The following SHC2 variants were observed in gnomAD, a reference collection of about 807,000 sequenced individuals.
SHC2 encodes SHC adaptor protein 2, also known as SHC-transforming protein 2.
In SHC2, 62 loss-of-function variants were observed where a neutral mutation model predicts 60.6. That is an observed-to-expected ratio of 1.02 (90% CI 0.83 to 1.26). The LOEUF (loss-of-function observed/expected upper bound fraction) is 1.26. Among genes scored for constraint, SHC2 ranks in the 50% most tolerant of loss-of-function variants. SHC2 has a pLI of 0.00. For synonymous variants in SHC2, 375 were observed against 372.4 expected (o/e 1.01, Z -0.08); for missense variants, 873 against 822.2 (o/e 1.06, Z -0.76).
At chr19:455,334 A>G (rs1600327669) in intron 1 of SHC2, among the ~76,000 whole-genome samples, 1 of 152,288 alleles carries the variant, frequency 6.6e-6, no homozygotes. Flanking sequence ...CAGCTCTTTG[A>G]CCTGCTGTGC....
chr19:423,969 C>T (rs1041410970), intron 10 of SHC2, among the ~76,000 whole-genome samples: 1 of 152,184 alleles, frequency 6.6e-6, no homozygotes, highest in Non-Finnish European at 1.5e-5. Flanking sequence ...AAGCTCTTCA[C>T]GTAGTGCTTG....
intron 11 of SHC2, 95 bp from the exon 12 acceptor site, chr19:419,151 A>G: frequency 7.1e-7 from 1 of 1,404,730 alleles, no homozygotes; most frequent in South Asian, 1.5e-5. Flanking sequence ...GGGAGCCCCT[A>G]GGGTGCCTGC....
chr19:438,701 G>A lies in SHC2; in HGVS notation c.720+17C>T, dbSNP rs114947334. Reference sequence around the variant, plus strand: ...CTCTGGGGGTCTGGGGACGCCAGGCGAAGAGGGCAGACCCACCTGGCGCGT... The same window carrying A: ...CTCTGGGGGTCTGGGGACGCCAGGCAAAGAGGGCAGACCCACCTGGCGCGT... On this transcript the variant is annotated intron_variant, in intron 4 of 12. Transcript: ENST00000264554. This position sits in a 1 kb window ranked among gnomAD's most constrained non-coding sequence, Gnocchi z 5.0. The A allele has an allele frequency of 4.1e-4, 640 of 1,549,968 alleles. 3 individuals are homozygous for A. The African/African-American group carries it at 7.9e-3, about 19-fold the overall frequency.
At chr19:426,412 G>A (rs1318913207) in intron 9 of SHC2, among the ~76,000 whole-genome samples, 2 of 140,736 alleles carry the variant, frequency 1.4e-5, no homozygotes, top group African/African-American at 5.3e-5. Context: ...AGAGTCCGGG[G>A]AGGGAGGACG....
At chr19:444,796 C>T (rs943042462) in intron 1 of SHC2, among the ~76,000 whole-genome samples, 4 of 152,198 alleles carry the variant, frequency 2.6e-5, no homozygotes, top group Admixed American at 6.5e-5. Context: ...ACCAACACCT[C>T]GCTAACTCAG....
chr19:451,594 T>C (rs546032641), intron 1 of SHC2, among the ~76,000 whole-genome samples: 4 of 152,296 alleles, frequency 2.6e-5, no homozygotes, highest in Non-Finnish European at 5.9e-5. Flanking sequence ...TCTTTAACTT[T>C]TTGGCATTTT....
At chr19:443,935 CGGGTGAATGGATGGGT>C (rs1974985336) in intron 1 of SHC2, among the ~76,000 whole-genome samples, 1 of 66,412 alleles carries the variant, frequency 1.5e-5, no homozygotes, top group African/African-American at 6.2e-5. Flanking sequence ...GATGGATGGA[CGGGTGAATGGATGGGT>C]GGGTGGATGG....
At chr19:454,576 C>T (rs561150064) in intron 1 of SHC2, among the ~76,000 whole-genome samples, 1 of 152,354 alleles carries the variant, frequency 6.6e-6, no homozygotes, top group South Asian at 2.1e-4. Flanking sequence ...CACCTGAGGT[C>T]AGGAGTTCAA....
rs752171073 is a variant in SHC2, at chr19:438,744, T to C, written c.694A>G (p.Ser232Gly). 4.5e-5 allele frequency: 71 copies of C among 1,567,994 alleles called. No individual in the cohort carries two copies. Among genetic ancestry groups the C allele is most frequent in the Non-Finnish European group, 5.1e-5 (59 of 1,157,834 alleles). Residue 232 changes from serine to glycine, a missense_variant, in exon 4 of 13, where the codon AGC becomes GGC. By Grantham distance (56) the Ser-to-Gly change is moderately conservative (BLOSUM62 0). Coordinates refer to ENST00000264554, the MANE Select transcript of SHC2 (RefSeq NM_012435.3). The surrounding 1 kb of genome is among the most constrained non-coding windows in gnomAD (Gnocchi z 5.0). Reference sequence around the variant, plus strand: ...TGGCGCGTGGCAGGCACGGAGAGGCTGAGGCCATCAGTGGAGATGTGGATG... The same window carrying C: ...TGGCGCGTGGCAGGCACGGAGAGGCCGAGGCCATCAGTGGAGATGTGGATG... ...ISIHISTDGLSLSVPATRQVI... is the reference protein window; with the variant it reads ...ISIHISTDGLGLSVPATRQVI...
intron 9 of SHC2, among the ~76,000 whole-genome samples, chr19:427,180 G>C (rs1018610233): frequency 2.0e-5 from 3 of 152,200 alleles, no homozygotes; most frequent in African/African-American, 7.2e-5. Context: ...CAGATTGTTT[G>C]GGAAGATCTA....
intron 1 of SHC2, among the ~76,000 whole-genome samples, chr19:450,012 CA>C (rs1975140766): frequency 6.6e-6 from 1 of 152,238 alleles, no homozygotes; most frequent in Admixed American, 6.5e-5. Flanking sequence ...TGCCGCCCTC[CA>C]CCCCTGGCCA....
In SHC2 at chr19:460,724, A is replaced by G; in HGVS notation, c.273T>C (p.Cys91=). The change falls in exon 1 of 13, where the codon TGT becomes TGC. Residue 91 remains cysteine (C), a synonymous_variant. Coordinates refer to ENST00000264554, the MANE Select transcript of SHC2 (RefSeq NM_012435.3). ...GACAGCGGCTGAGCGCGGGCAGGGG[A>G]CAGGGCGCGGCGCAGCGGGGCTCGC... ...GACEPRCAAP[C]PLPALSRCRG... 1 of 985,016 alleles carries G rather than the reference A, an allele frequency of 1.0e-6. No homozygotes were observed. The highest frequency in any genetic ancestry group is 1.2e-6 in the Non-Finnish European group (1 of 832,188). The allele number at this position is 985,016 out of a possible 1,614,324, so 61.0% of individuals were successfully genotyped here. A position where few individuals can be genotyped will look rare whatever the true frequency, so the allele number is the denominator to read the frequency against.
In SHC2 at chr19:445,879, C is replaced by CAAAAAT. The variant is rs969217739; in HGVS notation, c.469-4953_469-4948dup. Reference sequence around the variant, plus strand: ...AGAAACCCCAACTCTACTGAAAATACAAAAATAAAAATAAAAATAAAAAAA... The same window carrying CAAAAAT: ...AGAAACCCCAACTCTACTGAAAATACAAAAATAAAAATAAAAATAAAAATAAAAAAA... On this transcript the variant is annotated intron_variant, in intron 1 of 12. Transcript: ENST00000264554. This position sits in a 1 kb window ranked among gnomAD's most constrained non-coding sequence, Gnocchi z 4.4. Among the ~76,000 whole-genome samples the CAAAAAT allele has an allele frequency of 5.9e-5, 9 of 151,858 alleles. No homozygotes were observed. The highest frequency in any genetic ancestry group is 1.3e-4 in the Admixed American group (2 of 15,270).
intron 8 of SHC2, among the ~76,000 whole-genome samples, chr19:434,360 A>ATGAG (rs1974656772): frequency 4.4e-3 from 7 of 1,592 alleles, no homozygotes; most frequent in African/African-American, 0.011. Flanking sequence ...GAGTGAGATC[A>ATGAG]TGAGATCGTG....
intron 9 of SHC2, among the ~76,000 whole-genome samples, chr19:430,327 C>T (rs1327876993): frequency 3.3e-5 from 5 of 151,778 alleles, no homozygotes; most frequent in African/African-American, 9.7e-5. Flanking sequence ...TGACGCGGCA[C>T]CTATATCTCA....
At chr19:429,250 C>G (rs1407724763) in intron 9 of SHC2, among the ~76,000 whole-genome samples, 1 of 143,190 alleles carries the variant, frequency 7.0e-6, no homozygotes, top group African/African-American at 2.6e-5. Flanking sequence ...AGTACCTATA[C>G]CCAACATGCA....
intron 4 of SHC2, among the ~76,000 whole-genome samples, chr19:437,237 A>G (rs1271638303): frequency 7.3e-6 from 1 of 136,544 alleles, no homozygotes; most frequent in Non-Finnish European, 1.6e-5. Context: ...CTCGTTTGCG[A>G]GCTCATCTGC....
Position 436,173 on chromosome 19 carries a change from G to T in SHC2, c.945C>A (p.Pro315=). The change falls in exon 7 of 13, where the codon CCC becomes CCA. Residue 315 remains proline (P), a synonymous_variant. Coordinates refer to ENST00000264554, the MANE Select transcript of SHC2 (RefSeq NM_012435.3). ...GAGGCAGCTCTGGTTACCTTTCTGGGGGCAGCGCCACCTTGGGCGGGCTGT... is the reference window on the plus strand; with the variant it reads ...GAGGCAGCTCTGGTTACCTTTCTGGTGGCAGCGCCACCTTGGGCGGGCTGT... ...YLHSPPKVAL[P]PERLAGPEES... 6.2e-7 allele frequency: 1 copy of T among 1,611,242 alleles called. No individual in the cohort carries two copies. Among genetic ancestry groups the T allele is most frequent in the South Asian group, 1.1e-5 (1 of 90,636 alleles).
chr19:448,599 G>C (rs947769392), intron 1 of SHC2, among the ~76,000 whole-genome samples: 1 of 152,036 alleles, frequency 6.6e-6, no homozygotes, highest in East Asian at 1.9e-4. Context: ...AACACCGTTC[G>C]CCCCAGGACA....
Sources: allele counts gnomAD v4.1 joint callset (sites outside exome capture counted in the v4.1 genomes callset), GRCh38; gene constraint gnomAD v4.1.1; non-coding constraint Gnocchi (gnomAD v3.1); transcripts MANE v1.5; gene names NCBI Gene and HGNC (gene_info 2026-07-23, HGNC 2026-07-21).